Variants in SEC24D observed in about 807,000 individuals in gnomAD.
SEC24D encodes SEC24 homolog D, COPII component, also known as protein transport protein Sec24D.
Under a neutral mutation model 116.9 loss-of-function variants are expected in SEC24D, and 69 were observed. That is an observed-to-expected ratio of 0.59 (90% CI 0.49 to 0.72). SEC24D has a LOEUF of 0.72. SEC24D is among the 30% of genes least tolerant of loss of function. The probability of loss-of-function intolerance (pLI) is 0.00; values close to 1 mark genes in which losing one functional copy is unlikely to be tolerated. For synonymous variants in SEC24D, 405 were observed against 442.8 expected, an observed-to-expected ratio of 0.91 and a Z score of 1.07; for missense variants, 1,131 against 1,264.1, an observed-to-expected ratio of 0.89 and a Z score of 1.60.
At chr4:118,730,671 A>G (rs1464580498) in intron 21 of SEC24D, 1 of 152,362 alleles carries the variant, frequency 6.6e-6, no homozygotes, top group African/African-American at 2.4e-5. Context: ...TGTACAAATT[A>G]TAAGCTGGGT....
chr4:118,723,643 T>TTA lies in SEC24D; in HGVS notation c.2969_2970dup (p.Lys991Ter), dbSNP rs1184609557. On this transcript the variant is annotated frameshift_variant, in exon 23 of 23. Coordinates refer to ENST00000280551, the MANE Select transcript of SEC24D (RefSeq NM_014822.4). LOFTEE classifies it high-confidence loss of function. Reference sequence around the variant, plus strand: ...ACCATTTCTGGTTGTTCTCGCTGCTTTACAATTGTGAGCTAGGAAAAAAAA... The same window carrying TTA: ...ACCATTTCTGGTTGTTCTCGCTGCTTTATACAATTGTGAGCTAGGAAAAAAAA... The TTA allele has an allele frequency of 1.2e-6, 2 of 1,608,818 alleles. No homozygotes were observed. Among genetic ancestry groups the TTA allele is most frequent in the African/African-American group, 2.7e-5 (2 of 74,530 alleles).
intron 13 of SEC24D, among the ~76,000 whole-genome samples, chr4:118,746,810 A>G (rs1726561518): frequency 1.3e-5 from 2 of 152,080 alleles, no homozygotes; most frequent in African/African-American, 4.8e-5. Flanking sequence ...AGCTCTCTTA[A>G]AAACAAAGAG....
chr4:118,723,734 A>AT (rs1725265914), intron 22 of SEC24D, 79 bp from the exon 23 acceptor site: 2 of 1,496,798 alleles, frequency 1.3e-6, no homozygotes, highest in Admixed American at 4.0e-5. Flanking sequence ...GTCTATTTCA[A>AT]TTTTGGCAAA....
At chr4:118,775,345 CAAAAAAAAA>C (rs55740002) in intron 8 of SEC24D, among the ~76,000 whole-genome samples, 49 of 114,438 alleles carry the variant, frequency 4.3e-4, no homozygotes, top group Non-Finnish European at 3.0e-4. Flanking sequence ...AGCAAAAGGT[CAAAAAAAAA>C]AAAAAAAAAA....
chr4:118,796,059 G>T (rs936482279), intron 8 of SEC24D, among the ~76,000 whole-genome samples: 7 of 152,174 alleles, frequency 4.6e-5, no homozygotes, highest in Non-Finnish European at 1.0e-4. Context: ...GAATAAAAAA[G>T]ATGGGTTGAT....
At position 118,833,636 on chromosome 4, in the gene SEC24D, G is replaced by C; in HGVS notation, c.61C>G (p.Leu21Val). 1 of 1,614,104 alleles carries C rather than the reference G, an allele frequency of 6.2e-7. No individual in the cohort carries two copies. The highest frequency in any genetic ancestry group is 1.7e-5 in the Admixed American group (1 of 60,018). Reference protein sequence around the residue: ...PYSQPQPGIGLSPPHYGHYGD... With the variant: ...PYSQPQPGIGVSPPHYGHYGD... ...TAGTGCCCATAATGAGGTGGAGAAA[G>C]GCCTATTCCAGGCTGAGGCTGAGAA... is the stretch of plus-strand genomic sequence containing the variant. The change falls in exon 2 of 23, where the codon CTT becomes GTT. Residue 21 changes from leucine to valine, a missense_variant. By Grantham distance (32) the Leu-to-Val change is conservative. Coordinates refer to ENST00000280551, the MANE Select transcript of SEC24D (RefSeq NM_014822.4).
intron 13 of SEC24D, among the ~76,000 whole-genome samples, chr4:118,749,621 C>T (rs1168553352): frequency 6.6e-6 from 1 of 152,140 alleles, no homozygotes; most frequent in Non-Finnish European, 1.5e-5. Context: ...GCTGACCAGC[C>T]ACAGTCCTGG....
chr4:118,750,864 G>A (rs17258050), intron 13 of SEC24D, among the ~76,000 whole-genome samples: 4,774 of 151,642 alleles, frequency 0.031, 121 homozygotes, highest in Non-Finnish European at 0.05. Context: ...GAGACTTTTT[G>A]AGTGATATCC....
intron 2 of SEC24D, among the ~76,000 whole-genome samples, chr4:118,826,461 C>A (rs1486409416): frequency 6.6e-6 from 1 of 152,156 alleles, no homozygotes; most frequent in Non-Finnish European, 1.5e-5. Context: ...TTTATTCTAA[C>A]AAAGCATATG....
chr4:118,756,602 C>G (rs1727110696), intron 11 of SEC24D, among the ~76,000 whole-genome samples: 1 of 152,162 alleles, frequency 6.6e-6, no homozygotes, highest in South Asian at 2.1e-4. Context: ...AGCCAACAAC[C>G]CACCCTCCAG....
chr4:118,832,530 T>C (rs1381019544), intron 2 of SEC24D, among the ~76,000 whole-genome samples: 1 of 152,096 alleles, frequency 6.6e-6, no homozygotes, highest in Middle Eastern at 3.2e-3. Flanking sequence ...GGGTGAATAA[T>C]ATAGAGTGTT....
At chr4:118,813,528 G>A (rs201648549) in intron 6 of SEC24D, among the ~76,000 whole-genome samples, 2 of 152,130 alleles carry the variant, frequency 1.3e-5, no homozygotes, top group East Asian at 3.9e-4. Flanking sequence ...TGCTAGCTCA[G>A]GTCTCTTTTC....
intron 2 of SEC24D, among the ~76,000 whole-genome samples, chr4:118,827,095 T>C (rs1382737104): frequency 6.6e-6 from 1 of 152,098 alleles, no homozygotes; most frequent in East Asian, 1.9e-4. Flanking sequence ...GGGATTCCAG[T>C]TAGAAAGCAA....
At chr4:118,747,251 T>C (rs1209498885) in intron 13 of SEC24D, among the ~76,000 whole-genome samples, 3 of 151,446 alleles carry the variant, frequency 2.0e-5, no homozygotes, top group Non-Finnish European at 4.4e-5. Context: ...TGTGAATTTA[T>C]CATTTCTGTA....
chr4:118,819,347 C>T (rs1485196309), intron 3 of SEC24D, among the ~76,000 whole-genome samples: 1 of 151,580 alleles, frequency 6.6e-6, no homozygotes, highest in African/African-American at 2.4e-5. Flanking sequence ...CTGGCTAACA[C>T]GGTGAAACCC....
Position 118,793,815 on chromosome 4 carries a change from C to T in SEC24D, c.1041+3868G>A, listed in dbSNP as rs181703388. On this transcript the variant is annotated intron_variant, in intron 8 of 22. Transcript: ENST00000280551. ...ATTCTTAAATATATTCAGAGTAATTCTATTCTTGAATGTCTAGGGGAAAAG... is the reference window on the plus strand; with the variant it reads ...ATTCTTAAATATATTCAGAGTAATTTTATTCTTGAATGTCTAGGGGAAAAG... Among the ~76,000 whole-genome samples the T allele has an allele frequency of 2.6e-5, 4 of 152,318 alleles. No individual in the cohort carries two copies. In the East Asian group the frequency reaches 7.7e-4, roughly 29 times the overall value.
At chr4:118,793,142 C>T (rs551572870) in intron 8 of SEC24D, among the ~76,000 whole-genome samples, 22 of 152,142 alleles carry the variant, frequency 1.4e-4, no homozygotes, top group South Asian at 2.1e-4. Flanking sequence ...TAGACCAGGA[C>T]GGTGTCATGG....
chr4:118,773,228 A>C (rs1727989528), intron 8 of SEC24D, among the ~76,000 whole-genome samples: 1 of 152,098 alleles, frequency 6.6e-6, no homozygotes, highest in African/African-American at 2.4e-5. Context: ...CCACAGCACC[A>C]ATATTCTACT....
At chr4:118,799,172 A>AT (rs1451991262) in intron 7 of SEC24D, among the ~76,000 whole-genome samples, 2 of 152,206 alleles carry the variant, frequency 1.3e-5, no homozygotes, top group African/African-American at 4.8e-5. Context: ...TTCTGGATAT[A>AT]TTTCAAAGGT....
Sources: allele counts gnomAD v4.1 joint callset (sites outside exome capture counted in the v4.1 genomes callset), GRCh38; gene constraint gnomAD v4.1.1; transcripts MANE v1.5; gene names NCBI Gene and HGNC (gene_info 2026-07-23, HGNC 2026-07-21).